The following RALGPS2 variants were observed in gnomAD, a reference collection of about 807,000 sequenced individuals.
The protein encoded by RALGPS2 is Ral GEF with PH domain and SH3 binding motif 2.
A neutral mutation model predicts 86.8 loss-of-function variants in RALGPS2; 43 were observed. The ratio of observed to expected loss-of-function variants is 0.50; its 90% CI spans 0.39 to 0.64. RALGPS2 has a LOEUF of 0.64. Ranked by LOEUF, RALGPS2 falls within the 30% of genes least tolerant of loss-of-function variation. The probability of loss-of-function intolerance (pLI) is 0.00; values close to 1 mark genes in which losing one functional copy is unlikely to be tolerated. For missense variants in RALGPS2, 536 were observed against 694.6 expected (o/e 0.77, Z 2.57); for synonymous variants, 243 against 231.3 (o/e 1.05, Z -0.46).
At chr1:178,751,243 C>T (rs1003439877) in intron 1 of RALGPS2, among the ~76,000 whole-genome samples, 2 of 152,080 alleles carry the variant, frequency 1.3e-5, no homozygotes, top group African/African-American at 2.4e-5. Flanking sequence ...AGCATTTCCT[C>T]GTGCCAGGAT....
intron 8 of RALGPS2, among the ~76,000 whole-genome samples, chr1:178,841,362 A>G (rs1383245419): frequency 6.8e-6 from 1 of 146,690 alleles, no homozygotes; most frequent in Admixed American, 6.9e-5. Flanking sequence ...AAATCAATAA[A>G]TGTAATCCAG....
intron 1 of RALGPS2, among the ~76,000 whole-genome samples, chr1:178,739,203 G>T (rs1650886295): frequency 6.6e-6 from 1 of 152,172 alleles, no homozygotes; most frequent in Non-Finnish European, 1.5e-5. Context: ...GCAACATTTT[G>T]AGGATATCTT....
chr1:178,740,358 A>G (rs560300690), intron 1 of RALGPS2, among the ~76,000 whole-genome samples: 11 of 152,228 alleles, frequency 7.2e-5, no homozygotes, highest in Non-Finnish European at 1.5e-4. Context: ...ATAAAACTGT[A>G]TTGCAGTGGA....
rs1412569684 is a variant in RALGPS2 at position 178,919,634 on chromosome 1, A to T, written c.*3275A>T. 1 of 152,090 alleles carries T rather than the reference A, an allele frequency of 6.6e-6. No homozygotes were observed. Among genetic ancestry groups the T allele is most frequent in the African/African-American group, 2.4e-5 (1 of 41,466 alleles). The allele number at this position is 152,090 out of a possible 1,614,324, so 9.4% of individuals were successfully genotyped here. A position where few individuals can be genotyped will look rare whatever the true frequency, so the allele number is the denominator to read the frequency against. On this transcript the variant is annotated 3_prime_UTR_variant, in exon 20 of 20. Transcript: ENST00000367635. ...GTCTTTTATTTCTTTTTAAGGTTAA[A>T]TCGTAAACTGTATACCTTTACTACT... is the stretch of plus-strand genomic sequence containing the variant.
intron 8 of RALGPS2, among the ~76,000 whole-genome samples, chr1:178,844,316 T>C (rs1356983110): frequency 2.6e-5 from 4 of 152,176 alleles, no homozygotes; most frequent in Non-Finnish European, 5.9e-5. Context: ...AAACTAATAG[T>C]TTTTTCTCCC....
At chr1:178,769,869 CAG>C (rs1652702431) in intron 1 of RALGPS2, among the ~76,000 whole-genome samples, 1 of 152,148 alleles carries the variant, frequency 6.6e-6, no homozygotes, top group African/African-American at 2.4e-5. Flanking sequence ...AAAAGTGTCA[CAG>C]AGAGAGGCTC....
At chr1:178,822,043 T>A (rs1349744331) in intron 7 of RALGPS2, among the ~76,000 whole-genome samples, 1 of 152,202 alleles carries the variant, frequency 6.6e-6, no homozygotes, top group Admixed American at 6.5e-5. Context: ...AGATTATGCT[T>A]TTGGAAAGTT....
Position 178,885,099 on chromosome 1 carries a change from C to CA in RALGPS2, c.929dup (p.Ser311GlufsTer9). 1 of 1,607,550 alleles carries CA rather than the reference C, an allele frequency of 6.2e-7. No individual in the cohort carries two copies. Among genetic ancestry groups the CA allele is most frequent in the Non-Finnish European group, 8.5e-7 (1 of 1,178,368 alleles). ...AGGTCCTGAAGTAGGAGCGTCTCCA[C>CA]AGAGTGGACGAAAAAGTGTGGCAGC... On this transcript the variant is annotated frameshift_variant, in exon 12 of 20. Transcript: ENST00000367635. LOFTEE classifies it high-confidence loss of function.
intron 8 of RALGPS2, among the ~76,000 whole-genome samples, chr1:178,858,698 G>A (rs767725677): frequency 6.6e-6 from 1 of 152,098 alleles, no homozygotes; most frequent in Non-Finnish European, 1.5e-5. Context: ...AAAGAAAAAT[G>A]TTGACCAGTC....
At chr1:178,771,010 T>G (rs1489044784) in intron 1 of RALGPS2, among the ~76,000 whole-genome samples, 1 of 151,504 alleles carries the variant, frequency 6.6e-6, no homozygotes, top group South Asian at 2.1e-4. Context: ...AGCTAAATTT[T>G]GTATTTTTAG....
intron 5 of RALGPS2, among the ~76,000 whole-genome samples, chr1:178,811,043 T>A (rs139884159): frequency 0.015 from 2,355 of 152,202 alleles, 55 homozygotes; most frequent in African/African-American, 0.053. Flanking sequence ...AGTTTTAATC[T>A]TAGAATGTTA....
In RALGPS2 at chr1:178,865,012, C is replaced by T. The variant is rs146030322; in HGVS notation, c.608-12486C>T. Reference sequence around the variant, plus strand: ...AAGGGCTTTTGGTGGGAGAAGTTGCCAGATCAGGTGGTGGCATTAAATCTC... The same window carrying T: ...AAGGGCTTTTGGTGGGAGAAGTTGCTAGATCAGGTGGTGGCATTAAATCTC... On this transcript the variant is annotated intron_variant, in intron 8 of 19. Transcript: ENST00000367635. 63 of 1,472,780 alleles carry T rather than the reference C, an allele frequency of 4.3e-5. 1 individual carries two copies. The African/African-American group carries it at 7.3e-4, about 17-fold the overall frequency. 91.2% of individuals were successfully genotyped at this position (1,472,780 alleles called of 1,614,324 possible).
chr1:178,877,476 C>A, intron 8 of RALGPS2, 22 bp from the exon 9 acceptor site: 1 of 1,610,978 alleles, frequency 6.2e-7, no homozygotes, highest in Non-Finnish European at 8.5e-7. Flanking sequence ...AGAAAACGTT[C>A]ATTTATCTAA....
chr1:178,729,451 T>C (rs1408706559), intron 1 of RALGPS2, among the ~76,000 whole-genome samples: 1 of 152,318 alleles, frequency 6.6e-6, no homozygotes, highest in African/African-American at 2.4e-5. Context: ...TGGGGTATTG[T>C]TATTAAGTGA....
At chr1:178,877,373 A>G in intron 8 of RALGPS2, 125 bp from the exon 9 acceptor site, 1 of 1,380,446 alleles carries the variant, frequency 7.2e-7, no homozygotes. Flanking sequence ...GTGTATTAAT[A>G]GCAATATATT....
In RALGPS2 at chr1:178,885,957, T is replaced by C. The variant is rs745818179; in HGVS notation, c.1041-12T>C. 1.3e-6 allele frequency: 2 copies of C among 1,568,240 alleles called. No homozygotes were observed. The highest frequency in any genetic ancestry group is 2.4e-5 in the South Asian group (2 of 84,188). On this transcript the variant is annotated splice_polypyrimidine_tract_variant and intron_variant, in intron 12 of 19. Transcript: ENST00000367635. ...AATAATAAAAGATATGAACTTTTTT[T>C]TCTGTTTCTAGTTTCATTCATAAAA...
intron 18 of RALGPS2, among the ~76,000 whole-genome samples, chr1:178,905,092 G>GT (rs1180987860): frequency 1.3e-5 from 2 of 151,656 alleles, no homozygotes; most frequent in African/African-American, 2.4e-5. Context: ...TTCCTAAGTG[G>GT]TTTTTTGTTT....
intron 4 of RALGPS2, among the ~76,000 whole-genome samples, chr1:178,803,600 T>C (rs1267997702): frequency 1.3e-5 from 2 of 152,040 alleles, no homozygotes; most frequent in African/African-American, 4.8e-5. Context: ...AAATGTTTTC[T>C]TTTTTTACAG....
chr1:178,905,590 TTAAA>T (rs1167983781), intron 18 of RALGPS2, among the ~76,000 whole-genome samples: 1 of 152,230 alleles, frequency 6.6e-6, no homozygotes, highest in Non-Finnish European at 1.5e-5. Context: ...TGAATAATGC[TTAAA>T]TATAGTTAGG....
Sources: allele counts gnomAD v4.1 joint callset (sites outside exome capture counted in the v4.1 genomes callset), GRCh38; gene constraint gnomAD v4.1.1; transcripts MANE v1.5; gene names NCBI Gene and HGNC (gene_info 2026-07-23, HGNC 2026-07-21).